Variants in MICU1 observed in about 807,000 individuals in gnomAD.
MICU1 encodes the protein calcium uptake protein 1, mitochondrial.
In MICU1, 45 loss-of-function variants were observed where a neutral mutation model predicts 56.8. The ratio of observed to expected loss-of-function variants is 0.79; its 90% CI spans 0.62 to 1.02. MICU1 has a LOEUF of 1.02. MICU1 is among the 50% of genes least tolerant of loss of function. MICU1 has a pLI of 0.00. For missense variants in MICU1, 504 were observed against 587.1 expected, an observed-to-expected ratio of 0.86 and a Z score of 1.46; for synonymous variants, 186 against 195.1, an observed-to-expected ratio of 0.95 and a Z score of 0.39.
intron 10 of MICU1, among the ~76,000 whole-genome samples, chr10:72,399,621 G>C (rs1275399508): frequency 6.6e-6 from 1 of 151,844 alleles, no homozygotes; most frequent in Non-Finnish European, 1.5e-5. Context: ...ACTCCAGCCT[G>C]GGTGACAAAG....
At chr10:72,509,392 G>T in intron 5 of MICU1, 1 of 1,335,132 alleles carries the variant, frequency 7.5e-7, no homozygotes, top group African/African-American at 1.5e-5. Context: ...CTATCCAATG[G>T]GTTACCTCTG....
chr10:72,398,295 A>G (rs571013065), intron 10 of MICU1, among the ~76,000 whole-genome samples: 2 of 152,166 alleles, frequency 1.3e-5, no homozygotes, highest in Non-Finnish European at 2.9e-5. Flanking sequence ...AAAGCAGTGT[A>G]TAGAGGGAAA....
At chr10:72,400,050 T>G (rs909642515) in intron 10 of MICU1, among the ~76,000 whole-genome samples, 1 of 152,208 alleles carries the variant, frequency 6.6e-6, no homozygotes, top group Non-Finnish European at 1.5e-5. Context: ...AATGTATGTA[T>G]GTATTTACCA....
At chr10:72,567,987 G>A (rs1840487381) in intron 1 of MICU1, among the ~76,000 whole-genome samples, 2 of 152,264 alleles carry the variant, frequency 1.3e-5, no homozygotes, top group South Asian at 2.1e-4. Context: ...TTGCTCAAGA[G>A]TACAAAGGTA....
chr10:72,530,577 C>T (rs1244570737), intron 5 of MICU1, among the ~76,000 whole-genome samples: 1 of 152,026 alleles, frequency 6.6e-6, no homozygotes, highest in African/African-American at 2.4e-5. Context: ...TGTTACCATT[C>T]TTTATACGAG....
At chr10:72,477,431 G>T in intron 6 of MICU1, 175 bp from the exon 7 acceptor site, 1 of 1,352,384 alleles carries the variant, frequency 7.4e-7, no homozygotes, top group Non-Finnish European at 1.0e-6. Flanking sequence ...CACCCTTTTA[G>T]GAATACTCCT....
chr10:72,547,373 A>G lies in MICU1; in HGVS notation c.493+3806T>C, dbSNP rs547667080. Among the ~76,000 whole-genome samples the G allele has an allele frequency of 3.9e-5, 6 of 152,214 alleles. 1 individual carries two copies. In the South Asian group the frequency reaches 1.2e-3, roughly 32 times the overall value. ...AATTAAAAGCTCAATGCAATTAATG[A>G]GAAGTTTTATATACCTTTCATTTCT... On this transcript the variant is annotated intron_variant, in intron 4 of 11. Coordinates refer to ENST00000361114, the MANE Select transcript of MICU1 (RefSeq NM_001195518.2).
chr10:72,489,284 A>G (rs1216501572), intron 6 of MICU1, among the ~76,000 whole-genome samples: 1 of 25,408 alleles, frequency 3.9e-5, no homozygotes, highest in Non-Finnish European at 1.6e-4. Flanking sequence ...ACAGAGCGAG[A>G]CTCTGTCACA....
intron 3 of MICU1, among the ~76,000 whole-genome samples, chr10:72,559,479 A>G (rs942920375): frequency 2.6e-5 from 4 of 151,710 alleles, no homozygotes; most frequent in Admixed American, 2.6e-4. Context: ...TTCTCTGAAT[A>G]TTTGAAATAT....
At chr10:72,448,005 C>T (rs1180165804) in intron 8 of MICU1, among the ~76,000 whole-genome samples, 1 of 151,514 alleles carries the variant, frequency 6.6e-6, no homozygotes, top group African/African-American at 2.4e-5. Context: ...TCTGATGACC[C>T]ACCCCTTCTT....
At chr10:72,390,188 G>A (rs1217383200) in intron 10 of MICU1, among the ~76,000 whole-genome samples, 1 of 151,202 alleles carries the variant, frequency 6.6e-6, no homozygotes. Flanking sequence ...CAGAAAAAAT[G>A]AAAAAAAGAA....
At chr10:72,429,548 C>T (rs1864460035) in intron 8 of MICU1, among the ~76,000 whole-genome samples, 1 of 151,886 alleles carries the variant, frequency 6.6e-6, no homozygotes, top group Non-Finnish European at 1.5e-5. Context: ...AACTTAATAA[C>T]CTGTACCCTG....
chr10:72,489,010 C>G (rs1474256607), intron 6 of MICU1, among the ~76,000 whole-genome samples: 1 of 152,092 alleles, frequency 6.6e-6, no homozygotes, highest in South Asian at 2.1e-4. Flanking sequence ...CTTACAAGGC[C>G]GGGCACTGTA....
Position 72,547,277 on chromosome 10 carries a change from G to A in MICU1, c.493+3902C>T, listed in dbSNP as rs72810168. ...TGGTTTTGAACTCCTGGCCTCAAGC[G>A]GTCCTCCTGCCATAGCCTCCCAAAG... On this transcript the variant is annotated intron_variant, in intron 4 of 11. Transcript: ENST00000361114. Among the ~76,000 whole-genome samples, 825 of 151,990 alleles carry A rather than the reference G, an allele frequency of 5.4e-3. 5 individuals carry two copies. The highest frequency in any genetic ancestry group is 8.3e-3 in the Non-Finnish European group (566 of 67,982).
chr10:72,439,920 C>T (rs563812130), intron 8 of MICU1, among the ~76,000 whole-genome samples: 5 of 152,278 alleles, frequency 3.3e-5, no homozygotes, highest in African/African-American at 1.2e-4. Context: ...AATGGAAGAA[C>T]ATTCCATGCT....
intron 6 of MICU1, among the ~76,000 whole-genome samples, chr10:72,502,627 G>T (rs979029872): frequency 5.9e-5 from 9 of 152,252 alleles, no homozygotes; most frequent in African/African-American, 2.2e-4. Flanking sequence ...GCCACTCCCT[G>T]GCAAAGATTT....
intron 1 of MICU1, among the ~76,000 whole-genome samples, chr10:72,592,380 G>A (rs1841252950): frequency 6.6e-6 from 1 of 151,972 alleles, no homozygotes; most frequent in African/African-American, 2.4e-5. Flanking sequence ...TGGTTTCACT[G>A]GTGAATTCTA....
At chr10:72,513,087 T>A (rs990907580) in intron 5 of MICU1, among the ~76,000 whole-genome samples, 2 of 152,058 alleles carry the variant, frequency 1.3e-5, no homozygotes, top group Non-Finnish European at 2.9e-5. Context: ...CTGGGCTGCA[T>A]CCTTGATCTC....
At position 72,368,202 on chromosome 10, in the gene MICU1, T is replaced by C. The variant is rs1862209472; in HGVS notation, c.1424A>G (p.Lys475Arg). The stretch of plus-strand genomic sequence containing the variant: ...CCCTCTTGCAGTGTGGGGTTACTGT[T>C]TGGGTAAAGCGAAGTCCCAGGCAGT... ...QETAWDFALP[K>R]Q Residue 475 changes from lysine (K) to arginine (R), a missense_variant, in exon 12 of 12, where the codon AAA (lysine) becomes AGA (arginine). Physicochemically the swap from Lys to Arg is conservative, Grantham distance 26. Transcript: ENST00000361114. The C allele has an allele frequency of 6.2e-7, 1 of 1,612,226 alleles. No homozygotes were observed. Among genetic ancestry groups the C allele is most frequent in the Non-Finnish European group, 8.5e-7 (1 of 1,179,180 alleles).
Sources: gnomAD v4.1 joint callset for allele counts (sites outside exome capture counted in the v4.1 genomes callset) on GRCh38, gnomAD v4.1.1 for gene constraint, MANE v1.5 for transcripts, NCBI Gene and HGNC (gene_info 2026-07-23, HGNC 2026-07-21) for gene names.